The following RGS2 variants were observed in gnomAD, a reference collection of about 807,000 sequenced individuals.
RGS2 encodes the protein G0 to G1 switch regulatory 8, 24kD.
Under a neutral mutation model 26.6 loss-of-function variants are expected in RGS2, and 20 were observed. The ratio of observed to expected loss-of-function variants is 0.75; its 90% CI spans 0.53 to 1.09. The LOEUF is 1.09. Ranked by LOEUF, RGS2 falls within the 50% of genes least tolerant of loss-of-function variation. RGS2 has a pLI of 0.00. For synonymous variants in RGS2, 97 were observed against 79.9 expected (o/e 1.21, Z -1.14); for missense variants, 246 against 245.5 (o/e 1.00, Z -0.01).
At position 192,809,094 on chromosome 1, in the gene RGS2, C is replaced by T; in HGVS notation, c.23C>T (p.Ala8Val). Reference protein sequence around the residue: MQSAMFLAVQHDCRPMDK... With the variant: MQSAMFLVVQHDCRPMDK... ...ATAATGCAAAGTGCTATGTTCTTGG[C>T]TGTTCAACACGACTGCAGACCCATG... Residue 8 changes from alanine (A) to valine (V), a missense_variant, in exon 1 of 5, where the codon GCT becomes GTT. Coordinates refer to ENST00000235382, the MANE Select transcript of RGS2 (RefSeq NM_002923.4). The T allele has an allele frequency of 7.4e-6, 12 of 1,613,650 alleles. No individual in the cohort carries two copies. The highest frequency in any genetic ancestry group is 9.3e-6 in the Non-Finnish European group (11 of 1,179,554).
chr1:192,811,720 T>C lies in RGS2; in HGVS notation c.*124T>C. The C allele has an allele frequency of 1.0e-6, 1 of 967,526 alleles. No individual in the cohort carries two copies. Among genetic ancestry groups the C allele is most frequent in the Non-Finnish European group, 1.7e-6 (1 of 601,680 alleles). The allele number at this position is 967,526 out of a possible 1,614,324, so 59.9% of individuals were successfully genotyped here. A position where few individuals can be genotyped will look rare whatever the true frequency, so the allele number is the denominator to read the frequency against. On this transcript the variant is annotated 3_prime_UTR_variant, in exon 5 of 5. Transcript: ENST00000235382. ...GTGTTCAGGAAACATCACTCAGAAC[T>C]ATTGATTCAAAGTTGGGTAGTGAAT...
In RGS2 at chr1:192,811,564, C is replaced by A. The variant is rs746511201; in HGVS notation, c.604C>A (p.Pro202Thr). The A allele has an allele frequency of 1.2e-6, 2 of 1,614,080 alleles. No individual in the cohort carries two copies. Among genetic ancestry groups the A allele is most frequent in the Non-Finnish European group, 1.7e-6 (2 of 1,179,990 alleles). The change falls in exon 5 of 5, where the codon CCA (proline) becomes ACA (threonine). Residue 202 changes from proline to threonine, a missense_variant. By Grantham distance (38) the Pro-to-Thr change is conservative (BLOSUM62 -1). Coordinates refer to ENST00000235382, the MANE Select transcript of RGS2 (RefSeq NM_002923.4). ...SEFYQDLCKK[P>T]QITTEPHAT ...ATTCTACCAGGACTTGTGTAAAAAG[C>A]CACAAATCACCACAGAGCCTCATGC...
At chr1:192,810,299 A>T (rs1237786431) in intron 2 of RGS2, 32 bp downstream of exon 2, 1 of 1,606,312 alleles carries the variant, frequency 6.2e-7, no homozygotes, top group East Asian at 2.2e-5. Flanking sequence ...TGCAAATATC[A>T]ATAGTTAGCT....
chr1:192,811,752 G>A lies in RGS2; in HGVS notation c.*156G>A. 2.7e-6 allele frequency: 2 copies of A among 736,596 alleles called. No homozygotes were observed. 45.6% of individuals were successfully genotyped at this position (736,596 alleles called of 1,614,324 possible). A position where few individuals can be genotyped will look rare whatever the true frequency, so the allele number is the denominator to read the frequency against. Reference sequence around the variant, plus strand: ...TCAAAGTTGGGTAGTGAATCAGGAAGCCAGTAACTGACTAGGAGAAGCTGG... The same window carrying A: ...TCAAAGTTGGGTAGTGAATCAGGAAACCAGTAACTGACTAGGAGAAGCTGG... On this transcript the variant is annotated 3_prime_UTR_variant, in exon 5 of 5. Coordinates refer to ENST00000235382, the MANE Select transcript of RGS2 (RefSeq NM_002923.4).
Position 192,811,840 on chromosome 1 carries a change from G to A in RGS2, c.*244G>A, listed in dbSNP as rs1431888640. 1.8e-6 allele frequency: 1 copy of A among 546,662 alleles called. No homozygotes were observed. The highest frequency in any genetic ancestry group is 1.9e-5 in the African/African-American group (1 of 52,822). 33.9% of individuals were successfully genotyped at this position (546,662 alleles called of 1,614,324 possible). On this transcript the variant is annotated 3_prime_UTR_variant, in exon 5 of 5. Transcript: ENST00000235382. Reference sequence around the variant, plus strand: ...GAAGGGAATAGGTGGTCTGAACGTGGTGTCTCACTCTGAAAAGCAGGAATG... The same window carrying A: ...GAAGGGAATAGGTGGTCTGAACGTGATGTCTCACTCTGAAAAGCAGGAATG...
intron 4 of RGS2, 107 bp downstream of exon 4, chr1:192,811,254 C>A: frequency 7.3e-7 from 1 of 1,374,388 alleles, no homozygotes; most frequent in African/African-American, 1.4e-5. Context: ...AAAGTCCCTC[C>A]ACGTTGTAGC....
At chr1:192,810,706 G>A in intron 3 of RGS2, 1 of 609,218 alleles carries the variant, frequency 1.6e-6, no homozygotes, top group South Asian at 2.0e-5. Context: ...GTTTTCAAGA[G>A]GCTTAGTTCC....
chr1:192,809,322 TTAAG>T (rs2102105284), intron 1 of RGS2, 141 bp downstream of exon 1: 3 of 708,278 alleles, frequency 4.2e-6, no homozygotes, highest in Admixed American at 4.1e-5. Flanking sequence ...GGTCAATTTG[TTAAG>T]TAAGGTTAAA....
rs766529182 is a variant in RGS2 at position 192,809,199 on chromosome 1, C to T, written c.110+18C>T. ...CGGACCCTGTGAGTATGGCTTTCTTCCCTCTCCCGCCACCCCCTGCCCCAC... is the reference window on the plus strand; with the variant it reads ...CGGACCCTGTGAGTATGGCTTTCTTTCCTCTCCCGCCACCCCCTGCCCCAC... On this transcript the variant is annotated intron_variant, in intron 1 of 4. Transcript: ENST00000235382. 4 of 1,528,816 alleles carry T rather than the reference C, an allele frequency of 2.6e-6. No individual in the cohort carries two copies. The African/African-American group carries it at 4.1e-5, about 16-fold the overall frequency. 94.7% of individuals were successfully genotyped at this position (1,528,816 alleles called of 1,614,324 possible).
intron 4 of RGS2, 76 bp from the exon 5 acceptor site, chr1:192,811,323 TTTA>T: frequency 7.3e-7 from 1 of 1,366,398 alleles, no homozygotes. Flanking sequence ...ACACATAATT[TTTA>T]TTTTTTGTTT....
chr1:192,809,264 G>C lies in RGS2; in HGVS notation c.110+83G>C, dbSNP rs905498660. The C allele has an allele frequency of 6.9e-6, 7 of 1,018,128 alleles. No homozygotes were observed. The Admixed American group carries it at 8.6e-5, about 13-fold the overall frequency. 63.1% of individuals were successfully genotyped at this position (1,018,128 alleles called of 1,614,324 possible). ...ACGCGGTACTTTCGGGCTCGCCTTT[G>C]ACGTTAGGAAACTAGCCTGAGCCTA... On this transcript the variant is annotated intron_variant, in intron 1 of 4. Transcript: ENST00000235382.
intron 4 of RGS2, 54 bp downstream of exon 4, chr1:192,811,201 G>C (rs1665585953): frequency 9.5e-6 from 15 of 1,584,070 alleles, no homozygotes; most frequent in Non-Finnish European, 1.3e-5. Flanking sequence ...TAGCACAAAA[G>C]TGAAACAAAG....
In RGS2 at chr1:192,811,145, G is replaced by C. The variant is rs1163939616; in HGVS notation, c.439G>C (p.Glu147Gln). The C allele has an allele frequency of 1.9e-6, 3 of 1,614,102 alleles. No individual in the cohort carries two copies. In the Admixed American group the frequency reaches 5.0e-5, roughly 27 times the overall value. ...CTTCATAGAAAAGGAAGCTCCAAAA[G>C]AGGTAAGGAAACAAGTTCCTAATTT... ...TDFIEKEAPK[E>Q]INIDFQTKTL... The change falls in exon 4 of 5, where the codon GAG becomes CAG. Residue 147 changes from glutamate (E) to glutamine (Q), a missense_variant and splice_region_variant. Coordinates refer to ENST00000235382, the MANE Select transcript of RGS2 (RefSeq NM_002923.4).
intron 1 of RGS2, 41 bp downstream of exon 1, chr1:192,809,222 C>T (rs1665547359): frequency 2.2e-6 from 3 of 1,390,546 alleles, no homozygotes; most frequent in Non-Finnish European, 3.1e-6. Flanking sequence ...CCCCCTGCCC[C>T]ACACTGCAAG....
In RGS2 at chr1:192,811,248, T is replaced by A. The variant is rs766332013; in HGVS notation, c.441+101T>A. ...AAAGCGGGCTAGGAGGGGTAAAAAG[T>A]CCCTCCACGTTGTAGCTTTCAGTTA... On this transcript the variant is annotated intron_variant, in intron 4 of 4. Coordinates refer to ENST00000235382, the MANE Select transcript of RGS2 (RefSeq NM_002923.4). 3.0e-4 allele frequency: 418 copies of A among 1,406,204 alleles called. 1 individual carries two copies. The highest frequency in any genetic ancestry group is 4.5e-4 in the Admixed American group (26 of 58,410). The allele number at this position is 1,406,204 out of a possible 1,614,324, so 87.1% of individuals were successfully genotyped here. A position where few individuals can be genotyped will look rare whatever the true frequency, so the allele number is the denominator to read the frequency against.
In RGS2 at chr1:192,809,178, C is replaced by T; in HGVS notation, c.107C>T (p.Thr36Ile). The T allele has an allele frequency of 6.2e-7, 1 of 1,604,956 alleles. No homozygotes were observed. Among genetic ancestry groups the T allele is most frequent in the Middle Eastern group, 1.7e-4 (1 of 6,052 alleles). The change falls in exon 1 of 5, where the codon ACC becomes ATC. Residue 36 changes from threonine (T) to isoleucine (I), a missense_variant. By Grantham distance (89) the Thr-to-Ile change is moderately conservative. Transcript: ENST00000235382. ...SEEKREKMKR[T>I]LLKDWKTRLS... is the part of the protein sequence containing the mutation. ...GAGAAGCGAGAAAAGATGAAACGGA[C>T]CCTGTGAGTATGGCTTTCTTCCCTC...
At chr1:192,809,474 C>T (rs1274069509) in intron 1 of RGS2, 3 of 438,864 alleles carry the variant, frequency 6.8e-6, no homozygotes, top group Non-Finnish European at 1.3e-5. Flanking sequence ...GCGGCTGAAG[C>T]GCGTCCCCAG....
intron 1 of RGS2, chr1:192,809,603 A>G: frequency 3.2e-6 from 1 of 311,334 alleles, no homozygotes; most frequent in Non-Finnish European, 6.3e-6. Context: ...TATAGAGCAG[A>G]TCTCACCCAG....
rs762913377 is a variant in RGS2, at chr1:192,809,101, A to G, written c.30A>G (p.Gln10=). 1.1e-5 allele frequency: 18 copies of G among 1,613,944 alleles called. No individual in the cohort carries two copies. Among genetic ancestry groups the G allele is most frequent in the Middle Eastern group, 1.6e-4 (1 of 6,082 alleles). The change falls in exon 1 of 5, where the codon CAA becomes CAG. Residue 10 remains glutamine, a synonymous_variant. Transcript: ENST00000235382. The stretch of plus-strand genomic sequence containing the variant: ...AAAGTGCTATGTTCTTGGCTGTTCA[A>G]CACGACTGCAGACCCATGGACAAGA... MQSAMFLAV[Q]HDCRPMDKSA...
Sources: allele counts gnomAD v4.1 joint callset, GRCh38; gene constraint gnomAD v4.1.1; transcripts MANE v1.5; gene names NCBI Gene and HGNC (gene_info 2026-07-23, HGNC 2026-07-21).